Variants in SPAG16 observed in about 807,000 individuals in gnomAD.
The protein encoded by SPAG16 is sperm associated antigen 16, also known as sperm-associated antigen 16 protein.
SPAG16 carries 86 observed loss-of-function variants against 80.4 expected under a neutral mutation model. The ratio of observed to expected loss-of-function variants is 1.07; its 90% CI spans 0.90 to 1.28. The LOEUF is 1.28. SPAG16 is among the 50% of genes most tolerant of loss of function. SPAG16 has a pLI of 0.00. For synonymous variants in SPAG16, 294 were observed against 265.9 expected, an observed-to-expected ratio of 1.11 and a Z score of -1.03; for missense variants, 870 against 765.3, an observed-to-expected ratio of 1.14 and a Z score of -1.61.
chr2:213,412,372 A>C (rs562110674), intron 9 of SPAG16, among the ~76,000 whole-genome samples: 2 of 152,310 alleles, frequency 1.3e-5, no homozygotes, highest in South Asian at 4.1e-4. Context: ...GTGTGTGCTC[A>C]CCATTGTTCC....
chr2:213,474,419 T>C (rs2073262311), intron 9 of SPAG16, among the ~76,000 whole-genome samples: 1 of 152,182 alleles, frequency 6.6e-6, no homozygotes, highest in Non-Finnish European at 1.5e-5. Flanking sequence ...GGGTTCCTCA[T>C]TTTCTTTCAT....
At chr2:214,110,863 T>A (rs2053628090) in intron 14 of SPAG16, among the ~76,000 whole-genome samples, 1 of 152,228 alleles carries the variant, frequency 6.6e-6, no homozygotes, top group African/African-American at 2.4e-5. Flanking sequence ...TGGTTTTGAT[T>A]TGCATTTCTC....
At chr2:213,742,452 T>G (rs372866994) in intron 10 of SPAG16, among the ~76,000 whole-genome samples, 5 of 152,148 alleles carry the variant, frequency 3.3e-5, no homozygotes, top group Non-Finnish European at 5.9e-5. Context: ...ATAAATTTAC[T>G]CACGTATTTA....
In SPAG16 at chr2:213,780,599, C is replaced by T. The variant is rs1328531233; in HGVS notation, c.1071-81886C>T. On this transcript the variant is annotated intron_variant, in intron 10 of 15. Coordinates refer to ENST00000331683, the MANE Select transcript of SPAG16 (RefSeq NM_024532.5). ...TTTTTTTTTTTTTTTTGGTGGTGAG[C>T]GGGGGTGAATCTCAACTATCTTAGG... is the stretch of plus-strand genomic sequence containing the variant. Among the ~76,000 whole-genome samples, 25 of 118,646 alleles carry T rather than the reference C, an allele frequency of 2.1e-4. 1 individual carries two copies. The highest frequency in any genetic ancestry group is 8.5e-4 in the Admixed American group (8 of 9,434). 77.8% of individuals were successfully genotyped at this position (118,646 alleles called of 152,430 possible).
chr2:213,926,361 A>C (rs1018857909), intron 11 of SPAG16, among the ~76,000 whole-genome samples: 1 of 152,006 alleles, frequency 6.6e-6, no homozygotes, highest in African/African-American at 2.4e-5. Flanking sequence ...CACTTTACCC[A>C]ATCTGTAGTC....
At chr2:213,687,324 T>C (rs572438287) in intron 10 of SPAG16, among the ~76,000 whole-genome samples, 15 of 152,294 alleles carry the variant, frequency 9.8e-5, no homozygotes, top group African/African-American at 2.9e-4. Context: ...AAGGAAAATA[T>C]CTTATGTATT....
intron 10 of SPAG16, among the ~76,000 whole-genome samples, chr2:213,590,024 T>G (rs935818686): frequency 3.3e-5 from 5 of 152,168 alleles, no homozygotes; most frequent in Non-Finnish European, 7.4e-5. Flanking sequence ...CCTCCCATTC[T>G]TCTTCAGTTT....
chr2:213,515,496 G>A lies in SPAG16; in HGVS notation c.1070+25406G>A, dbSNP rs143409561. ...TGTACACCTGCTGTGTCCCTGATGCGAGCATAAAGTATGTGAGTAAAAAAT... is the reference window on the plus strand; with the variant it reads ...TGTACACCTGCTGTGTCCCTGATGCAAGCATAAAGTATGTGAGTAAAAAAT... On this transcript the variant is annotated intron_variant, in intron 10 of 15. Coordinates refer to ENST00000331683, the MANE Select transcript of SPAG16 (RefSeq NM_024532.5). Among the ~76,000 whole-genome samples the A allele has an allele frequency of 5.9e-5, 9 of 152,230 alleles. No individual in the cohort carries two copies. The South Asian group carries it at 8.3e-4, about 14-fold the overall frequency.
intron 9 of SPAG16, among the ~76,000 whole-genome samples, chr2:213,461,210 G>T (rs2072338162): frequency 6.6e-6 from 1 of 152,128 alleles, no homozygotes; most frequent in Non-Finnish European, 1.5e-5. Context: ...TGACACAATT[G>T]CAATGTTCTG....
intron 10 of SPAG16, among the ~76,000 whole-genome samples, chr2:213,630,850 C>T (rs1168394838): frequency 6.6e-6 from 1 of 152,088 alleles, no homozygotes; most frequent in East Asian, 1.9e-4. Flanking sequence ...AACGGTCTAC[C>T]TGGGACATAA....
intron 15 of SPAG16, among the ~76,000 whole-genome samples, chr2:214,209,019 G>T (rs1156829813): frequency 6.6e-6 from 1 of 152,006 alleles, no homozygotes; most frequent in Non-Finnish European, 1.5e-5. Flanking sequence ...ATTATTATTA[G>T]TCTTTTATCA....
In SPAG16 at chr2:213,489,947, T is replaced by C; in HGVS notation, c.943-16T>C. 1 of 1,588,096 alleles carries C rather than the reference T, an allele frequency of 6.3e-7. No individual in the cohort carries two copies. The highest frequency in any genetic ancestry group is 1.2e-5 in the South Asian group (1 of 86,146). On this transcript the variant is annotated splice_polypyrimidine_tract_variant and intron_variant, in intron 9 of 15. Transcript: ENST00000331683. ...TGATATTTAACACAGAGCTCTTGTT[T>C]AATTTTTTTCTCTAGGATTCAGAAT...
chr2:213,453,760 G>A (rs2071837980), intron 9 of SPAG16, among the ~76,000 whole-genome samples: 1 of 152,140 alleles, frequency 6.6e-6, no homozygotes, highest in African/African-American at 2.4e-5. Context: ...TCAAAATAGA[G>A]TAGAAAAAGG....
intron 15 of SPAG16, among the ~76,000 whole-genome samples, chr2:214,326,384 G>A (rs78125546): frequency 0.072 from 10,944 of 152,144 alleles, 482 homozygotes; most frequent in South Asian, 0.13. Context: ...CTGACACCTT[G>A]ATTTTGGACT....
intron 10 of SPAG16, among the ~76,000 whole-genome samples, chr2:213,715,968 T>A (rs1428438764): frequency 6.6e-6 from 1 of 152,026 alleles, no homozygotes; most frequent in Non-Finnish European, 1.5e-5. Context: ...TTGTATCTAG[T>A]AGGAAGTGAT....
At chr2:213,772,464 A>G (rs910772237) in intron 10 of SPAG16, among the ~76,000 whole-genome samples, 6 of 151,882 alleles carry the variant, frequency 4.0e-5, no homozygotes, top group Non-Finnish European at 7.4e-5. Flanking sequence ...GGTCAAAACT[A>G]TTTTTCCTGT....
At chr2:214,159,116 C>T (rs2056336841) in intron 15 of SPAG16, among the ~76,000 whole-genome samples, 1 of 151,732 alleles carries the variant, frequency 6.6e-6, no homozygotes, top group Admixed American at 6.6e-5. Flanking sequence ...GGTATGTTTG[C>T]AGATATAATA....
intron 15 of SPAG16, among the ~76,000 whole-genome samples, chr2:214,334,168 T>G (rs1380211315): frequency 1.3e-5 from 2 of 152,198 alleles, no homozygotes; most frequent in Non-Finnish European, 2.9e-5. Context: ...CAGTTCCTCT[T>G]CTAACAGATT....
chr2:213,673,986 T>A (rs79948461), intron 10 of SPAG16, among the ~76,000 whole-genome samples: 7,561 of 152,096 alleles, frequency 0.05, 600 homozygotes, highest in African/African-American at 0.17. Context: ...ATAAATAAAG[T>A]TATATTTTTA....
Sources: allele counts gnomAD v4.1 joint callset (sites outside exome capture counted in the v4.1 genomes callset), GRCh38; gene constraint gnomAD v4.1.1; transcripts MANE v1.5; gene names NCBI Gene and HGNC (gene_info 2026-07-23, HGNC 2026-07-21).